Variants in BNC2 observed in about 807,000 individuals in gnomAD.
BNC2 encodes zinc finger protein basonuclin-2.
A neutral mutation model predicts 76.3 loss-of-function variants in BNC2; 20 were observed. The ratio of observed to expected loss-of-function variants is 0.26; its 90% CI spans 0.18 to 0.38. The LOEUF (loss-of-function observed/expected upper bound fraction) is 0.38. Ranked by LOEUF, BNC2 falls within the 10% of genes least tolerant of loss-of-function variation. The pLI, the probability that BNC2 is intolerant of heterozygous loss-of-function variation, is 1.00. For synonymous variants in BNC2, 582 were observed against 514.8 expected (o/e 1.13, Z -1.77); for missense variants, 1,382 against 1,399.8 (o/e 0.99, Z 0.20).
Position 16,437,177 on chromosome 9 carries a change from A to G in BNC2, c.1017T>C (p.Pro339=). The G allele has an allele frequency of 6.2e-7, 1 of 1,614,138 alleles. No individual in the cohort carries two copies. Among genetic ancestry groups the G allele is most frequent in the Non-Finnish European group, 8.5e-7 (1 of 1,180,036 alleles). The change falls in exon 6 of 7, where the codon CCT becomes CCC. Residue 339 remains proline, a synonymous_variant. Transcript: ENST00000380672. ...GTTGCTCTAACAGTAGCCCATTTGG[A>G]GGCAACCCTAGCAGTGGTGCTGAGA... The part of the protein sequence containing the change: ...NPVSAPLLGL[P]PNGLLLEQPG...
chr9:16,866,261 A>C (rs1819540552), intron 1 of BNC2, among the ~76,000 whole-genome samples: 1 of 152,164 alleles, frequency 6.6e-6, no homozygotes, highest in African/African-American at 2.4e-5. Context: ...ATCCATAATA[A>C]GTCAGGTTTA....
intron 5 of BNC2, among the ~76,000 whole-genome samples, chr9:16,547,133 A>G (rs1374389018): frequency 1.3e-5 from 2 of 152,236 alleles, no homozygotes; most frequent in African/African-American, 2.4e-5. Flanking sequence ...GGATGGTGTA[A>G]GAGGAGGAAA....
chr9:16,799,753 T>A (rs557108804), intron 1 of BNC2, among the ~76,000 whole-genome samples: 1 of 152,228 alleles, frequency 6.6e-6, no homozygotes, highest in Non-Finnish European at 1.5e-5. Flanking sequence ...CAAGTCCTTC[T>A]ACTGGAACAC....
intron 1 of BNC2, among the ~76,000 whole-genome samples, chr9:16,812,892 A>T (rs1029417245): frequency 6.6e-6 from 1 of 152,162 alleles, no homozygotes; most frequent in African/African-American, 2.4e-5. Flanking sequence ...TACCTCAAGA[A>T]AAACAATATA....
intron 5 of BNC2, among the ~76,000 whole-genome samples, chr9:16,462,651 A>T (rs1821609941): frequency 6.6e-6 from 1 of 152,198 alleles, no homozygotes; most frequent in Non-Finnish European, 1.5e-5. Flanking sequence ...TTCCAGCTAC[A>T]TCATACCTCT....
At chr9:16,557,071 T>C (rs777039345) in intron 4 of BNC2, among the ~76,000 whole-genome samples, 60 of 152,154 alleles carry the variant, frequency 3.9e-4, no homozygotes, top group Non-Finnish European at 7.8e-4. Flanking sequence ...GAATATGAGT[T>C]AGGCCAATGG....
At chr9:16,807,507 G>T (rs1013515817) in intron 1 of BNC2, among the ~76,000 whole-genome samples, 1 of 152,122 alleles carries the variant, frequency 6.6e-6, no homozygotes, top group Non-Finnish European at 1.5e-5. Context: ...AAGTTTTACT[G>T]GGGAGAAGGT....
chr9:16,760,517 A>C (rs1374938097), intron 1 of BNC2, among the ~76,000 whole-genome samples: 1 of 152,146 alleles, frequency 6.6e-6, no homozygotes, highest in Non-Finnish European at 1.5e-5. Flanking sequence ...CCTGATAGTG[A>C]AAAAAAGGTC....
intron 3 of BNC2, among the ~76,000 whole-genome samples, chr9:16,658,226 A>G (rs2134016373): frequency 6.6e-6 from 1 of 152,344 alleles, no homozygotes; most frequent in East Asian, 1.9e-4. Context: ...GACATTTACA[A>G]AAATTTTCAT....
At chr9:16,521,549 C>A (rs1272789411) in intron 5 of BNC2, among the ~76,000 whole-genome samples, 1 of 152,154 alleles carries the variant, frequency 6.6e-6, no homozygotes, top group Non-Finnish European at 1.5e-5. Flanking sequence ...CTATTTCCTG[C>A]AGTATGAAAA....
intron 3 of BNC2, among the ~76,000 whole-genome samples, chr9:16,610,515 T>C (rs1323018198): frequency 1.3e-5 from 2 of 152,212 alleles, no homozygotes; most frequent in African/African-American, 4.8e-5. Flanking sequence ...TAAGGGTCTA[T>C]GAATTGAAAC....
intron 1 of BNC2, among the ~76,000 whole-genome samples, chr9:16,792,876 A>T (rs56201309): frequency 6.6e-6 from 1 of 152,224 alleles, no homozygotes; most frequent in African/African-American, 2.4e-5. Context: ...GTGGGAGCCT[A>T]ATAAGGATGT....
chr9:16,537,393 T>C (rs1011857930), intron 5 of BNC2, among the ~76,000 whole-genome samples: 3 of 152,102 alleles, frequency 2.0e-5, no homozygotes, highest in Non-Finnish European at 4.4e-5. Context: ...TTTAGAAATA[T>C]TATTGCTGTA....
intron 5 of BNC2, among the ~76,000 whole-genome samples, chr9:16,475,669 T>C (rs1821913162): frequency 6.6e-6 from 1 of 152,214 alleles, no homozygotes; most frequent in Non-Finnish European, 1.5e-5. Context: ...AAACAGTGTC[T>C]TTTATCCCCT....
chr9:16,569,007 T>TTTTTTG (rs1418690635), intron 4 of BNC2, among the ~76,000 whole-genome samples: 1 of 151,700 alleles, frequency 6.6e-6, no homozygotes, highest in African/African-American at 2.4e-5. Context: ...TCTAGAGTTT[T>TTTTTTG]TTTTTTTTTT....
intron 1 of BNC2, among the ~76,000 whole-genome samples, chr9:16,814,185 G>C (rs953061312): frequency 2.6e-5 from 4 of 152,164 alleles, no homozygotes; most frequent in Admixed American, 6.5e-5. Flanking sequence ...CCAGGCAAGA[G>C]CAATGATAAA....
intron 1 of BNC2, among the ~76,000 whole-genome samples, chr9:16,835,365 T>A (rs1375386422): frequency 2.0e-5 from 3 of 152,180 alleles, no homozygotes; most frequent in African/African-American, 7.2e-5. Context: ...TTATCCTTAT[T>A]TGATAGAGAA....
intron 1 of BNC2, among the ~76,000 whole-genome samples, chr9:16,741,894 G>T (rs1259988216): frequency 7.4e-6 from 1 of 135,554 alleles, no homozygotes; most frequent in South Asian, 2.4e-4. Context: ...GGAGGTGGAG[G>T]TTGCAGTGAG....
At chr9:16,822,075 A>T (rs1818349106) in intron 1 of BNC2, among the ~76,000 whole-genome samples, 1 of 140,998 alleles carries the variant, frequency 7.1e-6, no homozygotes, top group African/African-American at 2.7e-5. Flanking sequence ...CCTGGGCGAC[A>T]GAGCCAGACT....
Sources: gnomAD v4.1 joint callset for allele counts (sites outside exome capture counted in the v4.1 genomes callset) on GRCh38, gnomAD v4.1.1 for gene constraint, MANE v1.5 for transcripts, NCBI Gene and HGNC (gene_info 2026-07-23, HGNC 2026-07-21) for gene names.